Variants in MECOM observed in about 807,000 individuals in gnomAD.
MECOM encodes the protein MDS1 and EVI1 complex locus.
In MECOM, 13 loss-of-function variants were observed where a neutral mutation model predicts 116.3. The observed-to-expected ratio is 0.11, with a 90% CI of 0.07 to 0.18. The LOEUF (loss-of-function observed/expected upper bound fraction) is 0.18, where lower values mean the gene tolerates loss of function less well. MECOM is among the 10% of genes least tolerant of loss of function. The pLI, the probability that MECOM is intolerant of heterozygous loss-of-function variation, is 1.00. For missense variants in MECOM, 1,299 were observed against 1,509.0 expected, an observed-to-expected ratio of 0.86 and a Z score of 2.31; for synonymous variants, 528 against 535.2, an observed-to-expected ratio of 0.99 and a Z score of 0.19.
rs1010718642 is a variant in MECOM, at chr3:169,135,509, T to G, written c.511-3978A>C. Among the ~76,000 whole-genome samples, 26 of 152,044 alleles carry G rather than the reference T, an allele frequency of 1.7e-4. No individual in the cohort carries two copies. The South Asian group carries it at 1.9e-3, about 11-fold the overall frequency. On this transcript the variant is annotated intron_variant, in intron 3 of 16. Transcript: ENST00000651503. ...AGAATGGGGCCTATAAGAAAATAGA[T>G]TATATGGAAATTCCATTTTTTTAAA...
At chr3:169,500,150 C>T (rs868542281) in intron 1 of MECOM, among the ~76,000 whole-genome samples, 2 of 151,920 alleles carry the variant, frequency 1.3e-5, no homozygotes, top group Non-Finnish European at 2.9e-5. Flanking sequence ...TAGAAAAAGC[C>T]TATTTATTAG....
intron 1 of MECOM, among the ~76,000 whole-genome samples, chr3:169,457,713 C>T (rs760837353): frequency 6.6e-6 from 1 of 152,156 alleles, no homozygotes; most frequent in Non-Finnish European, 1.5e-5. Context: ...AAAATGTCAC[C>T]TCTGAAATAT....
In MECOM at chr3:169,094,940, C is replaced by T. The variant is rs1219368732; in HGVS notation, c.3019+136G>A. ...CATTATTCTAAAATCTCAACAGAAACTTCCTGGGAATTTTTACAATAAGAC... is the reference window on the plus strand; with the variant it reads ...CATTATTCTAAAATCTCAACAGAAATTTCCTGGGAATTTTTACAATAAGAC... On this transcript the variant is annotated intron_variant, in intron 13 of 16. Transcript: ENST00000651503. 3 of 702,666 alleles carry T rather than the reference C, an allele frequency of 4.3e-6. No individual in the cohort carries two copies. In the East Asian group the frequency reaches 9.2e-5, roughly 21 times the overall value. The allele number at this position is 702,666 out of a possible 1,614,324, so 43.5% of individuals were successfully genotyped here.
chr3:169,571,212 G>A (rs1763859035), intron 1 of MECOM, among the ~76,000 whole-genome samples: 1 of 152,074 alleles, frequency 6.6e-6, no homozygotes, highest in African/African-American at 2.4e-5. Flanking sequence ...CAAACAGAAA[G>A]CTAAATCATG....
At chr3:169,284,207 G>T (rs1002055589) in intron 2 of MECOM, among the ~76,000 whole-genome samples, 1 of 152,154 alleles carries the variant, frequency 6.6e-6, no homozygotes, top group African/African-American at 2.4e-5. Context: ...TTTAGGTTAC[G>T]ACACAGGGAA....
intron 1 of MECOM, among the ~76,000 whole-genome samples, chr3:169,408,518 T>C (rs1737057465): frequency 6.6e-6 from 1 of 152,170 alleles, no homozygotes; most frequent in Admixed American, 6.5e-5. Context: ...AGAGCAAGAA[T>C]GAAGAGTTCT....
intron 2 of MECOM, among the ~76,000 whole-genome samples, chr3:169,354,792 C>CG (rs895438219): frequency 1.3e-5 from 2 of 151,814 alleles, no homozygotes; most frequent in African/African-American, 4.8e-5. Context: ...TTTTTCCCCC[C>CG]CTTCCTGAGC....
At position 169,105,306 on chromosome 3, in the gene MECOM, T is replaced by C. The variant is rs557146045; in HGVS notation, c.2604+2620A>G. Among the ~76,000 whole-genome samples, 146 of 152,220 alleles carry C rather than the reference T, an allele frequency of 9.6e-4. 1 individual carries two copies. The highest frequency in any genetic ancestry group is 3.4e-3 in the African/African-American group (140 of 41,556). On this transcript the variant is annotated intron_variant, in intron 10 of 16. Coordinates refer to ENST00000651503, the MANE Select transcript of MECOM (RefSeq NM_004991.4). Reference sequence around the variant, plus strand: ...GTTCTGTGATCAACATCAGCCCTAGTCAACACCTTAGATTAAGATATTGGA... The same window carrying C: ...GTTCTGTGATCAACATCAGCCCTAGCCAACACCTTAGATTAAGATATTGGA...
At chr3:169,491,263 CCA>C (rs1753059029) in intron 1 of MECOM, among the ~76,000 whole-genome samples, 3 of 152,198 alleles carry the variant, frequency 2.0e-5, no homozygotes, top group Admixed American at 2.0e-4. Flanking sequence ...TAAAGTCACT[CCA>C]GAGACGATTG....
In MECOM at chr3:169,084,902, G is replaced by A. The variant is rs774280360; in HGVS notation, c.*7C>T. The A allele has an allele frequency of 1.2e-6, 2 of 1,613,868 alleles. No individual in the cohort carries two copies. The highest frequency in any genetic ancestry group is 1.7e-5 in the Admixed American group (1 of 59,998). On this transcript the variant is annotated 3_prime_UTR_variant, in exon 17 of 17. Coordinates refer to ENST00000651503, the MANE Select transcript of MECOM (RefSeq NM_004991.4). ...ACTTGGTCCCACTCTGGTCAACCTT[G>A]ATAACGTCATACGTGGCTTATGGAC...
intron 2 of MECOM, among the ~76,000 whole-genome samples, chr3:169,211,574 T>C (rs1180850832): frequency 6.6e-6 from 1 of 152,200 alleles, no homozygotes; most frequent in Non-Finnish European, 1.5e-5. Flanking sequence ...CAGATTTGCA[T>C]GGCTCAAACT....
At chr3:169,524,854 A>G (rs939971679) in intron 1 of MECOM, among the ~76,000 whole-genome samples, 1 of 152,196 alleles carries the variant, frequency 6.6e-6, no homozygotes, top group African/African-American at 2.4e-5. Flanking sequence ...AAAAATGAGT[A>G]TCAGAAATAA....
intron 1 of MECOM, among the ~76,000 whole-genome samples, chr3:169,461,979 T>C (rs1377956800): frequency 2.0e-5 from 3 of 152,194 alleles, no homozygotes; most frequent in Non-Finnish European, 4.4e-5. Flanking sequence ...ATCTTTGTTA[T>C]ATAACTTTGT....
At chr3:169,532,838 AG>A (rs896299442) in intron 1 of MECOM, among the ~76,000 whole-genome samples, 31 of 151,630 alleles carry the variant, frequency 2.0e-4, no homozygotes, top group African/African-American at 7.5e-4. Flanking sequence ...GAGATGCACC[AG>A]CAATACCTCA....
rs1211641037 is a variant in MECOM, at chr3:169,147,462, A to G, written c.376-3630T>C. The G allele has an allele frequency of 8.1e-6, 8 of 985,360 alleles. No individual in the cohort carries two copies. The Admixed American group carries it at 3.1e-4, about 38-fold the overall frequency. The allele number at this position is 985,360 out of a possible 1,614,324, so 61.0% of individuals were successfully genotyped here. On this transcript the variant is annotated intron_variant, in intron 2 of 16. Transcript: ENST00000651503. ...GAAAGGGAGCTATCTCCCGCCGCCC[A>G]GAGTGATCTGATCGGAAGCCAGACG...
At chr3:169,425,639 G>T (rs1277835594) in intron 1 of MECOM, among the ~76,000 whole-genome samples, 1 of 152,112 alleles carries the variant, frequency 6.6e-6, no homozygotes, top group African/African-American at 2.4e-5. Flanking sequence ...GTTTAGAAAA[G>T]GCATTTTGAT....
chr3:169,514,309 A>AAAGAG, intron 1 of MECOM, among the ~76,000 whole-genome samples: 1 of 151,766 alleles, frequency 6.6e-6, no homozygotes, highest in Non-Finnish European at 1.5e-5. Context: ...TCAAAAAAAA[A>AAAGAG]AGAGAGAGAG....
intron 2 of MECOM, among the ~76,000 whole-genome samples, chr3:169,380,080 G>A (rs1439685804): frequency 6.6e-6 from 1 of 152,094 alleles, no homozygotes; most frequent in African/African-American, 2.4e-5. Context: ...TTCACAAGAG[G>A]ATACATATAA....
rs543680545 is a variant in MECOM at position 169,540,594 on chromosome 3, T to C, written c.37+122742A>G. Among the ~76,000 whole-genome samples, 49 of 152,322 alleles carry C rather than the reference T, an allele frequency of 3.2e-4. No individual in the cohort carries two copies. The South Asian group carries it at 9.1e-3, about 28-fold the overall frequency. On this transcript the variant is annotated intron_variant, in intron 1 of 16. Transcript: ENST00000651503. ...CCTGCCTATCTCTCCTCTTTTTTTT[T>C]CTTTTTCATTCATTCTTTTCACAAG... is the stretch of plus-strand genomic sequence containing the variant.
Sources: gnomAD v4.1 joint callset for allele counts (sites outside exome capture counted in the v4.1 genomes callset) on GRCh38, gnomAD v4.1.1 for gene constraint, MANE v1.5 for transcripts, NCBI Gene and HGNC (gene_info 2026-07-23, HGNC 2026-07-21) for gene names.